The following RPS6KA2 variants were observed in gnomAD, a reference collection of about 807,000 sequenced individuals.
RPS6KA2 encodes ribosomal protein S6 kinase alpha-2.
A neutral mutation model predicts 91.8 loss-of-function variants in RPS6KA2; 42 were observed. The observed-to-expected ratio is 0.46, with a 90% CI of 0.36 to 0.59. RPS6KA2 has a LOEUF of 0.59. Ranked by LOEUF, RPS6KA2 falls within the 20% of genes least tolerant of loss-of-function variation. The pLI is 0.00. For synonymous variants in RPS6KA2, 414 were observed against 393.6 expected, an observed-to-expected ratio of 1.05 and a Z score of -0.61; for missense variants, 798 against 978.5, an observed-to-expected ratio of 0.82 and a Z score of 2.46.
At chr6:166,704,998 A>G (rs566122962) in intron 2 of RPS6KA2, among the ~76,000 whole-genome samples, 10 of 152,346 alleles carry the variant, frequency 6.6e-5, no homozygotes, top group African/African-American at 2.2e-4. Flanking sequence ...GTTCTATCCC[A>G]GCACCATATT....
chr6:166,767,413 T>G lies in RPS6KA2; in HGVS notation c.123+90787A>C, dbSNP rs9457203. 1.4e-4 allele frequency among the ~76,000 whole-genome samples: 22 copies of G among 151,916 alleles called. 1 individual carries two copies. The South Asian group carries it at 2.3e-3, about 16-fold the overall frequency. Reference sequence around the variant, plus strand: ...GCTCCAGATCAATGCGGTCCAGAGGTGAAAGCGTGGTTAGAGGAAGACAAA... The same window carrying G: ...GCTCCAGATCAATGCGGTCCAGAGGGGAAAGCGTGGTTAGAGGAAGACAAA... On this transcript the variant is annotated intron_variant, in intron 2 of 21. Transcript: ENST00000503859. The surrounding 1 kb of genome is among the most constrained non-coding windows in gnomAD (Gnocchi z 4.6).
At chr6:166,446,569 C>T (rs759409131) in intron 14 of RPS6KA2, among the ~76,000 whole-genome samples, 1 of 152,148 alleles carries the variant, frequency 6.6e-6, no homozygotes, top group Admixed American at 6.5e-5. Flanking sequence ...AGAGTTTGAC[C>T]TCAACAAGAT....
At chr6:166,774,784 C>T (rs1778569623) in intron 2 of RPS6KA2, among the ~76,000 whole-genome samples, 2 of 151,210 alleles carry the variant, frequency 1.3e-5, no homozygotes, top group African/African-American at 4.9e-5. Flanking sequence ...AAAATTAAGG[C>T]GTTCCCAGAT....
chr6:166,477,294 C>T (rs987786820), intron 10 of RPS6KA2, among the ~76,000 whole-genome samples: 7 of 152,106 alleles, frequency 4.6e-5, no homozygotes, highest in Non-Finnish European at 5.9e-5. Flanking sequence ...GATCTTGGCC[C>T]GAGGTGAGCC....
Position 166,849,566 on chromosome 6 carries a change from G to C in RPS6KA2, c.123+8634C>G, listed in dbSNP as rs934428817. Among the ~76,000 whole-genome samples the C allele has an allele frequency of 6.6e-6, 1 of 152,118 alleles. No individual in the cohort carries two copies. The highest frequency in any genetic ancestry group is 1.5e-5 in the Non-Finnish European group (1 of 68,010). The stretch of plus-strand genomic sequence containing the variant: ...TGTAGCTGACAGTGGAGGACCCCAG[G>C]CCACCCCCGCCCGTGGAAATCCATG... On this transcript the variant is annotated intron_variant, in intron 2 of 21. Transcript: ENST00000503859. This position sits in a 1 kb window ranked among gnomAD's most constrained non-coding sequence, Gnocchi z 4.9.
At chr6:166,619,548 T>C (rs1786548125) in intron 1 of RPS6KA2, among the ~76,000 whole-genome samples, 1 of 152,158 alleles carries the variant, frequency 6.6e-6, no homozygotes, top group Non-Finnish European at 1.5e-5. Flanking sequence ...GGGCCCCAGG[T>C]GCCTGCAGGA....
At chr6:166,539,991 T>C (rs1783604208) in intron 1 of RPS6KA2, among the ~76,000 whole-genome samples, 3 of 152,234 alleles carry the variant, frequency 2.0e-5, no homozygotes, top group Non-Finnish European at 2.9e-5. Flanking sequence ...ATTGTATGCA[T>C]AGTGTGCTCT....
chr6:166,567,973 C>T (rs1027119896), intron 1 of RPS6KA2, among the ~76,000 whole-genome samples: 2 of 152,192 alleles, frequency 1.3e-5, no homozygotes, highest in African/African-American at 2.4e-5. Context: ...CCAGTGCAGC[C>T]TCTGCGCCTG....
intron 2 of RPS6KA2, among the ~76,000 whole-genome samples, chr6:166,632,725 G>C (rs1325700608): frequency 6.6e-6 from 1 of 152,174 alleles, no homozygotes; most frequent in African/African-American, 2.4e-5. Context: ...AGAGGAGAAA[G>C]ACCAGAAGAC....
At chr6:166,725,949 G>T (rs919540594) in intron 2 of RPS6KA2, among the ~76,000 whole-genome samples, 1 of 152,184 alleles carries the variant, frequency 6.6e-6, no homozygotes, top group South Asian at 2.1e-4. Context: ...TTGGGGAACC[G>T]ACAGATTTAC....
chr6:166,657,644 G>A lies in RPS6KA2; in HGVS notation c.124-118860C>T, dbSNP rs548655440. 2.2e-3 allele frequency among the ~76,000 whole-genome samples: 339 copies of A among 152,296 alleles called. 1 individual carries two copies. Among genetic ancestry groups the A allele is most frequent in the African/African-American group, 7.8e-3 (323 of 41,564 alleles). On this transcript the variant is annotated intron_variant, in intron 2 of 21. Coordinates refer to the RPS6KA2 transcript ENST00000503859. The stretch of plus-strand genomic sequence containing the variant: ...ACAGATGATTAAAAGGACAGGAGCC[G>A]GACATCTGGGCCTTGTGGTTTCTAA...
At chr6:166,757,234 C>T (rs1442400972) in intron 2 of RPS6KA2, among the ~76,000 whole-genome samples, 1 of 152,176 alleles carries the variant, frequency 6.6e-6, no homozygotes, top group East Asian at 1.9e-4. Flanking sequence ...ATTACGGACA[C>T]CCTTCCCCTC....
intron 2 of RPS6KA2, among the ~76,000 whole-genome samples, chr6:166,747,549 T>C (rs996273593): frequency 2.6e-5 from 4 of 152,232 alleles, no homozygotes; most frequent in South Asian, 2.1e-4. Context: ...TGTGCAGCTA[T>C]GTGTGGCCGC....
intron 2 of RPS6KA2, among the ~76,000 whole-genome samples, chr6:166,710,182 C>A (rs1450734386): frequency 6.6e-6 from 1 of 152,084 alleles, no homozygotes; most frequent in Non-Finnish European, 1.5e-5. Flanking sequence ...CAATGAAATC[C>A]CTGAACATCT....
At chr6:166,848,073 A>T (rs1312896858) in intron 2 of RPS6KA2, among the ~76,000 whole-genome samples, 8 of 152,194 alleles carry the variant, frequency 5.3e-5, no homozygotes, top group Non-Finnish European at 8.8e-5. Context: ...AATAAAAAAT[A>T]AACAATCCAT....
At chr6:166,653,547 C>T (rs1160554634) in intron 2 of RPS6KA2, among the ~76,000 whole-genome samples, 1 of 152,194 alleles carries the variant, frequency 6.6e-6, no homozygotes, top group Non-Finnish European at 1.5e-5. Flanking sequence ...CAGAAAAGTA[C>T]AGATGTCTCC....
At position 166,639,445 on chromosome 6, in the gene RPS6KA2, T is replaced by C. The variant is rs1419046385; in HGVS notation, c.124-100661A>G. 6.6e-6 allele frequency among the ~76,000 whole-genome samples: 1 copy of C among 152,246 alleles called. No homozygotes were observed. Among genetic ancestry groups the C allele is most frequent in the Admixed American group, 6.5e-5 (1 of 15,292 alleles). ...GTAATTACTGGCTAAAGGCTTTCCC[T>C]ACAACCCACCTGTGGTCCTGCCACC... On this transcript the variant is annotated intron_variant, in intron 2 of 21. Transcript: ENST00000503859. The surrounding 1 kb of genome is among the most constrained non-coding windows in gnomAD (Gnocchi z 4.2).
chr6:166,657,243 C>G (rs1788030278), intron 2 of RPS6KA2, among the ~76,000 whole-genome samples: 1 of 151,938 alleles, frequency 6.6e-6, no homozygotes, highest in Admixed American at 6.5e-5. Context: ...GAATAACAAG[C>G]AAAGTTAGAT....
At chr6:166,789,364 C>A (rs1439257389) in intron 2 of RPS6KA2, among the ~76,000 whole-genome samples, 1 of 152,252 alleles carries the variant, frequency 6.6e-6, no homozygotes, top group Non-Finnish European at 1.5e-5. Context: ...AGCTGGGAAG[C>A]TCGAACTGGG....
Sources: allele counts gnomAD v4.1 joint callset (sites outside exome capture counted in the v4.1 genomes callset), GRCh38; gene constraint gnomAD v4.1.1; non-coding constraint Gnocchi (gnomAD v3.1); transcripts MANE v1.5; gene names NCBI Gene and HGNC (gene_info 2026-07-23, HGNC 2026-07-21).